Variants in SRPX observed in about 807,000 individuals in gnomAD.
SRPX encodes sushi repeat containing protein X-linked.
SRPX carries 24 observed loss-of-function variants against 38.1 expected under a neutral mutation model. That is an observed-to-expected ratio of 0.63 (90% CI 0.46 to 0.89). SRPX has a LOEUF of 0.89. SRPX is among the 40% of genes least tolerant of loss of function. SRPX has a pLI of 0.00. For missense variants in SRPX, 416 were observed against 377.8 expected (o/e 1.10, Z -0.84); for synonymous variants, 184 against 153.8 (o/e 1.20, Z -1.45).
chrX:38,156,347 G>A (rs1283275443), intron 8 of SRPX, among the ~76,000 whole-genome samples: 1 of 111,849 alleles, frequency 8.9e-6, no homozygotes, highest in Non-Finnish European at 1.9e-5. Flanking sequence ...ACTTTAGAGT[G>A]CTTAGGAATC....
At chrX:38,152,630 G>A (rs1307577807) in intron 9 of SRPX, among the ~76,000 whole-genome samples, 1 of 112,280 alleles carries the variant, frequency 8.9e-6, no homozygotes, top group Non-Finnish European at 1.9e-5. Flanking sequence ...ATTATCTTCA[G>A]CCTATAGAAG....
intron 1 of SRPX, among the ~76,000 whole-genome samples, chrX:38,192,312 T>G (rs185203962): frequency 9.0e-6 from 1 of 111,563 alleles, no homozygotes; most frequent in African/African-American, 3.3e-5. Context: ...AGAGAGTCCA[T>G]AAGAGCTGTT....
intron 3 of SRPX, 104 bp from the exon 4 acceptor site, chrX:38,172,161 A>ATATTTAAATT (rs1938483596): frequency 1.1e-6 from 1 of 927,490 alleles, no homozygotes; most frequent in African/African-American, 2.0e-5. Flanking sequence ...AAGTTAATTT[A>ATATTTAAATT]AATATAAGAA....
chrX:38,192,540 A>T (rs1938926051), intron 1 of SRPX, among the ~76,000 whole-genome samples: 1 of 112,445 alleles, frequency 8.9e-6, no homozygotes, highest in Non-Finnish European at 1.9e-5. Context: ...ATGGATATGG[A>T]TATTTATATG....
rs996601438 is a variant in SRPX, at chrX:38,164,757, A to G, written c.653+12T>C. On this transcript the variant is annotated intron_variant, in intron 5 of 9. Coordinates refer to ENST00000378533, the MANE Select transcript of SRPX (RefSeq NM_006307.5). ...AGAGACAGCATCATTTTATCTGCCA[A>G]GTTTCACTTACTCAGTAAGAATTCC... 6 of 1,206,552 alleles carry G rather than the reference A, an allele frequency of 5.0e-6. No homozygotes were observed. Among genetic ancestry groups the G allele is most frequent in the Non-Finnish European group, 5.6e-6 (5 of 894,024 alleles).
At chrX:38,194,713 T>G (rs1364769960) in intron 1 of SRPX, among the ~76,000 whole-genome samples, 1 of 111,157 alleles carries the variant, frequency 9.0e-6, no homozygotes, top group Non-Finnish European at 1.9e-5. Flanking sequence ...AAATCACAAC[T>G]GCATGTAACA....
At chrX:38,195,464 A>C (rs1452806655) in intron 1 of SRPX, among the ~76,000 whole-genome samples, 2 of 109,139 alleles carry the variant, frequency 1.8e-5, no homozygotes, top group Admixed American at 2.0e-4. Flanking sequence ...AAATTTTTCA[A>C]GCAGAGCAAT....
chrX:38,171,829 C>T lies in SRPX; in HGVS notation c.526+52G>A, dbSNP rs1194794448. 2.3e-5 allele frequency: 27 copies of T among 1,161,753 alleles called. No individual in the cohort carries two copies. The East Asian group carries it at 2.7e-4, about 12-fold the overall frequency. On this transcript the variant is annotated intron_variant, in intron 4 of 9. Transcript: ENST00000378533. ...CCTTTACAATCCACGATGTGAACACCCCCTGCTCCTCCCAAAGCAAGTGCC... is the reference window on the plus strand; with the variant it reads ...CCTTTACAATCCACGATGTGAACACTCCCTGCTCCTCCCAAAGCAAGTGCC...
chrX:38,214,311 T>G (rs1939390415), intron 1 of SRPX, among the ~76,000 whole-genome samples: 1 of 110,924 alleles, frequency 9.0e-6, no homozygotes, highest in Non-Finnish European at 1.9e-5. Context: ...GTTCCATGAA[T>G]TAGGCAACCC....
chrX:38,188,623 G>A (rs745845021), intron 1 of SRPX, among the ~76,000 whole-genome samples: 1 of 111,564 alleles, frequency 9.0e-6, no homozygotes, highest in South Asian at 3.8e-4. Flanking sequence ...CTTTACTGGG[G>A]TATAATGGGC....
intron 1 of SRPX, among the ~76,000 whole-genome samples, chrX:38,194,322 A>G (rs1335574693): frequency 8.9e-6 from 1 of 112,025 alleles, no homozygotes; most frequent in Non-Finnish European, 1.9e-5. Context: ...AATAATTAAA[A>G]CCACAGTCAT....
intron 1 of SRPX, among the ~76,000 whole-genome samples, chrX:38,182,291 G>T (rs1205447954): frequency 8.9e-6 from 1 of 112,038 alleles, no homozygotes; most frequent in African/African-American, 3.2e-5. Flanking sequence ...ACTGCCTTCT[G>T]CGCCTACAAT....
chrX:38,208,835 A>G (rs1473454351), intron 1 of SRPX, among the ~76,000 whole-genome samples: 1 of 98,946 alleles, frequency 1.0e-5, no homozygotes, highest in African/African-American at 3.7e-5. Context: ...GTGCCAGCAC[A>G]CCTGACTAAT....
At chrX:38,214,548 C>T (rs571018988) in intron 1 of SRPX, among the ~76,000 whole-genome samples, 1 of 111,749 alleles carries the variant, frequency 8.9e-6, no homozygotes, top group African/African-American at 3.2e-5. Context: ...GCATCAGCTC[C>T]GTGAATAGGT....
Position 38,208,845 on chromosome X carries a change from T to C in SRPX, c.97+11851A>G, listed in dbSNP as rs1045721807. Reference sequence around the variant, plus strand: ...GGTGAGTGCCAGCACACCTGACTAATTTCTTTTTTTTTTTTTTTTTTTTTA... The same window carrying C: ...GGTGAGTGCCAGCACACCTGACTAACTTCTTTTTTTTTTTTTTTTTTTTTA... On this transcript the variant is annotated intron_variant, in intron 1 of 9. Transcript: ENST00000378533. Among the ~76,000 whole-genome samples, 8 of 101,550 alleles carry C rather than the reference T, an allele frequency of 7.9e-5. No homozygotes were observed. The East Asian group carries it at 2.4e-3, about 30-fold the overall frequency. 88.2% of individuals were successfully genotyped at this position (101,550 alleles called of 115,157 possible).
intron 1 of SRPX, among the ~76,000 whole-genome samples, chrX:38,203,507 G>A (rs772035429): frequency 1.8e-5 from 2 of 113,058 alleles, no homozygotes; most frequent in East Asian, 2.8e-4. Flanking sequence ...GGCCAGGCCC[G>A]GTAGCTCACG....
intron 1 of SRPX, among the ~76,000 whole-genome samples, chrX:38,186,018 A>G (rs1229019449): frequency 9.0e-6 from 1 of 110,974 alleles, no homozygotes; most frequent in African/African-American, 3.3e-5. Context: ...CCTGGCATTC[A>G]TAACCTTTTG....
intron 1 of SRPX, among the ~76,000 whole-genome samples, chrX:38,183,054 GA>G (rs1212717972): frequency 0.011 from 834 of 73,297 alleles, 10 homozygotes; most frequent in African/African-American, 0.035. Flanking sequence ...ATTCTTGATA[GA>G]TTTTTTTTTT....
Position 38,164,114 on chromosome X carries a change from G to A in SRPX, c.653+655C>T, listed in dbSNP as rs7063598. Among the ~76,000 whole-genome samples the A allele has an allele frequency of 8.6e-3, 900 of 104,522 alleles. 11 individuals carry two copies. Among genetic ancestry groups the A allele is most frequent in the African/African-American group, 0.03 (852 of 28,798 alleles). 90.8% of individuals were successfully genotyped at this position (104,522 alleles called of 115,157 possible). On this transcript the variant is annotated intron_variant, in intron 5 of 9. Coordinates refer to ENST00000378533, the MANE Select transcript of SRPX (RefSeq NM_006307.5). The stretch of plus-strand genomic sequence containing the variant: ...TTTAATTTTTGTGAGTATATGGTAG[G>A]TATATATATTTATGGGGTACATGAG...
Sources: gnomAD v4.1 joint callset for allele counts (sites outside exome capture counted in the v4.1 genomes callset) on GRCh38, gnomAD v4.1.1 for gene constraint, MANE v1.5 for transcripts, NCBI Gene and HGNC (gene_info 2026-07-23, HGNC 2026-07-21) for gene names.